Variants in DNAJC24 observed in about 807,000 individuals in gnomAD.
The protein encoded by DNAJC24 is DnaJ heat shock protein family (Hsp40) member C24.
Under a neutral mutation model 18.0 loss-of-function variants are expected in DNAJC24, and 17 were observed. The ratio of observed to expected loss-of-function variants is 0.94; its 90% confidence interval spans 0.65 to 1.42. The LOEUF is 1.42. DNAJC24 is among the 40% of genes most tolerant of loss of function. The pLI is 0.00. For missense variants in DNAJC24, 158 were observed against 175.6 expected, an observed-to-expected ratio of 0.90 and a Z score of 0.57; for synonymous variants, 55 against 57.7, an observed-to-expected ratio of 0.95 and a Z score of 0.21.
At chr11:31,378,448 G>A (rs561678256) in intron 2 of DNAJC24, among the ~76,000 whole-genome samples, 42 of 152,240 alleles carry the variant, frequency 2.8e-4, no homozygotes, top group African/African-American at 9.4e-4. Flanking sequence ...ATGTAGCACT[G>A]CGTATCAGAT....
intron 2 of DNAJC24, among the ~76,000 whole-genome samples, chr11:31,403,346 C>G (rs1952621475): frequency 6.6e-6 from 1 of 152,084 alleles, no homozygotes; most frequent in South Asian, 2.1e-4. Flanking sequence ...TGCTAAAGAC[C>G]CAACCTCCTC....
At chr11:31,380,008 G>A (rs1952360993) in intron 2 of DNAJC24, among the ~76,000 whole-genome samples, 1 of 152,080 alleles carries the variant, frequency 6.6e-6, no homozygotes, top group African/African-American at 2.4e-5. Context: ...GACCTCAGGT[G>A]ATCCACCCGC....
intron 2 of DNAJC24, among the ~76,000 whole-genome samples, 164 bp from the exon 3 acceptor site, chr11:31,414,647 T>C (rs567439451): frequency 3.3e-4 from 51 of 152,352 alleles, no homozygotes; most frequent in African/African-American, 1.1e-3. Flanking sequence ...CTAATTAACC[T>C]GGCAGTTGTC....
intron 2 of DNAJC24, among the ~76,000 whole-genome samples, chr11:31,380,645 T>C (rs72888179): frequency 0.048 from 7,310 of 152,236 alleles, 274 homozygotes; most frequent in Non-Finnish European, 0.068. Flanking sequence ...GTATTTCTTT[T>C]AGGCATTTAA....
chr11:31,430,592 A>G lies in DNAJC24; in HGVS notation c.*191A>G, dbSNP rs545028890. 4.9e-5 allele frequency: 14 copies of G among 287,934 alleles called. No homozygotes were observed. In the Admixed American group the frequency reaches 7.2e-4, roughly 15 times the overall value. 17.8% of individuals were successfully genotyped at this position (287,934 alleles called of 1,614,324 possible). A position where few individuals can be genotyped will look rare whatever the true frequency, so the allele number is the denominator to read the frequency against. On this transcript the variant is annotated 3_prime_UTR_variant, in exon 5 of 5. Coordinates refer to ENST00000465995, the MANE Select transcript of DNAJC24 (RefSeq NM_181706.5). Reference sequence around the variant, plus strand: ...AATTATTTATTTGTATTTATAATTTATATTTACAAGTTGTCACAAAAATAG... The same window carrying G: ...AATTATTTATTTGTATTTATAATTTGTATTTACAAGTTGTCACAAAAATAG...
chr11:31,390,093 C>T (rs771136098), intron 2 of DNAJC24, among the ~76,000 whole-genome samples: 5 of 152,016 alleles, frequency 3.3e-5, no homozygotes, highest in South Asian at 2.1e-4. Context: ...TAATAAGTAA[C>T]GAGATCGAAG....
At chr11:31,399,010 T>A (rs1591909732) in intron 2 of DNAJC24, among the ~76,000 whole-genome samples, 1 of 152,332 alleles carries the variant, frequency 6.6e-6, no homozygotes, top group East Asian at 1.9e-4. Context: ...AGGGTTGATA[T>A]CAGAATTCTC....
chr11:31,432,426 G>A lies in DNAJC24; in HGVS notation c.*2025G>A. The A allele has an allele frequency of 9.9e-7, 1 of 1,012,188 alleles. No individual in the cohort carries two copies. Among genetic ancestry groups the A allele is most frequent in the South Asian group, 1.3e-5 (1 of 76,694 alleles). 62.7% of individuals were successfully genotyped at this position (1,012,188 alleles called of 1,614,324 possible). On this transcript the variant is annotated 3_prime_UTR_variant, in exon 5 of 5. Transcript: ENST00000465995. ...TGAATAGCAAATAGTTTATTGGTAA[G>A]TACACGGTTTCAACGGGAGTAATAA... is the stretch of plus-strand genomic sequence containing the variant.
At position 31,415,237 on chromosome 11, in the gene DNAJC24, T is replaced by C. The variant is rs1952742422; in HGVS notation, c.250+288T>C. ...ACACATTACTAACTAATATGCTTTA[T>C]ATGTTTAAAAACTTTTTATTAAAAT... is the stretch of plus-strand genomic sequence containing the variant. On this transcript the variant is annotated intron_variant, in intron 3 of 4. Transcript: ENST00000465995. 1.6e-5 allele frequency: 4 copies of C among 244,382 alleles called. No homozygotes were observed. In the South Asian group the frequency reaches 2.9e-4, roughly 18 times the overall value. The allele number at this position is 244,382 out of a possible 1,614,324, so 15.1% of individuals were successfully genotyped here.
chr11:31,399,112 A>G (rs1292821864), intron 2 of DNAJC24, among the ~76,000 whole-genome samples: 1 of 152,164 alleles, frequency 6.6e-6, no homozygotes, highest in African/African-American at 2.4e-5. Context: ...ATTGGATATT[A>G]TGTAACCCAC....
rs902423238 is a variant in DNAJC24 at position 31,369,862 on chromosome 11, T to A, written c.-84T>A. 1.3e-5 allele frequency: 2 copies of A among 152,456 alleles called. No homozygotes were observed. The highest frequency in any genetic ancestry group is 2.9e-5 in the Non-Finnish European group (2 of 68,098). 9.4% of individuals were successfully genotyped at this position (152,456 alleles called of 1,614,324 possible). Reference sequence around the variant, plus strand: ...GGCGGAAGAAGAAGCCGGTCCGGAGTTCTGGCCGACAGCAGGCGAGGAGTG... The same window carrying A: ...GGCGGAAGAAGAAGCCGGTCCGGAGATCTGGCCGACAGCAGGCGAGGAGTG... On this transcript the variant is annotated 5_prime_UTR_variant, in exon 1 of 5. Coordinates refer to ENST00000465995, the MANE Select transcript of DNAJC24 (RefSeq NM_181706.5).
chr11:31,379,404 A>AC (rs1293751311), intron 2 of DNAJC24, among the ~76,000 whole-genome samples: 1 of 151,980 alleles, frequency 6.6e-6, no homozygotes, highest in Non-Finnish European at 1.5e-5. Flanking sequence ...TACTCCCTAC[A>AC]CCCCCATCCA....
chr11:31,409,159 T>C (rs927536788), intron 2 of DNAJC24, among the ~76,000 whole-genome samples: 2 of 152,224 alleles, frequency 1.3e-5, no homozygotes, highest in Non-Finnish European at 2.9e-5. Flanking sequence ...TACTTGTTTT[T>C]CTATTAATGG....
At chr11:31,421,654 A>G (rs568776508) in intron 3 of DNAJC24, among the ~76,000 whole-genome samples, 11 of 152,240 alleles carry the variant, frequency 7.2e-5, no homozygotes, top group Non-Finnish European at 1.3e-4. Flanking sequence ...TTAAATTGTA[A>G]CTACAGATAG....
chr11:31,411,763 C>G (rs964336201), intron 2 of DNAJC24, among the ~76,000 whole-genome samples: 1 of 152,172 alleles, frequency 6.6e-6, no homozygotes, highest in African/African-American at 2.4e-5. Context: ...TGAACTACAA[C>G]GTAATCATAT....
At chr11:31,392,859 G>A (rs1468113409) in intron 2 of DNAJC24, among the ~76,000 whole-genome samples, 2 of 151,972 alleles carry the variant, frequency 1.3e-5, no homozygotes, top group Non-Finnish European at 2.9e-5. Context: ...ATGTCAGCCA[G>A]CCTGGTCTCA....
At chr11:31,394,244 G>A (rs1432450952) in intron 2 of DNAJC24, among the ~76,000 whole-genome samples, 2 of 152,142 alleles carry the variant, frequency 1.3e-5, no homozygotes, top group Admixed American at 1.3e-4. Flanking sequence ...GCACTAAATA[G>A]ACTGTGAAAA....
intron 2 of DNAJC24, among the ~76,000 whole-genome samples, chr11:31,403,955 A>G (rs768294575): frequency 5.3e-5 from 8 of 152,192 alleles, no homozygotes; most frequent in Non-Finnish European, 1.0e-4. Context: ...GCCCATTTTT[A>G]TGGTTATTTC....
chr11:31,423,486 C>G (rs1280344497), intron 3 of DNAJC24, among the ~76,000 whole-genome samples: 1 of 152,148 alleles, frequency 6.6e-6, no homozygotes, highest in Non-Finnish European at 1.5e-5. Context: ...GTCTCGAACT[C>G]CTGACCTCAG....
Sources: gnomAD v4.1 joint callset for allele counts (sites outside exome capture counted in the v4.1 genomes callset) on GRCh38, gnomAD v4.1.1 for gene constraint, MANE v1.5 for transcripts, NCBI Gene and HGNC (gene_info 2026-07-23, HGNC 2026-07-21) for gene names.